SMURF1: variants seen among roughly 807,000 people sequenced by gnomAD.
SMURF1 encodes the protein SMAD specific E3 ubiquitin protein ligase 1, also known as E3 ubiquitin-protein ligase SMURF1.
Under a neutral mutation model 98.0 loss-of-function variants are expected in SMURF1, and 44 were observed. That is an observed-to-expected ratio of 0.45 (90% CI 0.35 to 0.58). SMURF1 has a LOEUF of 0.58. Among genes scored for constraint, SMURF1 ranks in the 20% least tolerant of loss-of-function variants. The pLI is 0.00. For missense variants in SMURF1, 687 were observed against 938.4 expected (o/e 0.73, Z 3.50); for synonymous variants, 396 against 374.9 (o/e 1.06, Z -0.65).
At chr7:99,069,761 T>A (rs1016807801) in intron 1 of SMURF1, among the ~76,000 whole-genome samples, 2 of 152,240 alleles carry the variant, frequency 1.3e-5, no homozygotes, top group African/African-American at 4.8e-5. Context: ...CCAAAAATGT[T>A]AAGCCCATAC....
intron 1 of SMURF1, among the ~76,000 whole-genome samples, chr7:99,100,777 A>G (rs1488608391): frequency 6.6e-6 from 1 of 152,258 alleles, no homozygotes; most frequent in Non-Finnish European, 1.5e-5. Flanking sequence ...AAAACAGAAG[A>G]CTAGAGAAGG....
At chr7:99,050,787 T>C in intron 8 of SMURF1, 1 of 691,490 alleles carries the variant, frequency 1.4e-6, no homozygotes, top group Non-Finnish European at 2.4e-6. Context: ...AAACAAATCA[T>C]GAATAAAAAG....
At chr7:99,064,636 T>C (rs1205766825) in intron 1 of SMURF1, among the ~76,000 whole-genome samples, 1 of 152,256 alleles carries the variant, frequency 6.6e-6, no homozygotes, top group East Asian at 1.9e-4. Flanking sequence ...GTTATCAAAT[T>C]GTTGGCATAC....
intron 5 of SMURF1, 109 bp downstream of exon 5, chr7:99,057,096 C>T: frequency 8.5e-7 from 1 of 1,170,316 alleles, no homozygotes. Flanking sequence ...GTGGTCTGTC[C>T]TCTGAGGCCC....
intron 13 of SMURF1, among the ~76,000 whole-genome samples, chr7:99,040,170 C>T (rs1385971698): frequency 1.3e-5 from 2 of 152,130 alleles, no homozygotes; most frequent in African/African-American, 2.4e-5. Context: ...CACTGTGTTG[C>T]CCAGGCTGGT....
At chr7:99,071,207 G>A (rs1166230015) in intron 1 of SMURF1, among the ~76,000 whole-genome samples, 2 of 152,036 alleles carry the variant, frequency 1.3e-5, no homozygotes, top group African/African-American at 4.8e-5. Flanking sequence ...TTACAGGCAT[G>A]TGCCACCATG....
Position 99,038,396 on chromosome 7 carries a change from T to A in SMURF1, c.1680A>T (p.Glu560Asp), listed in dbSNP as rs1167421403. 1 of 1,614,134 alleles carries A rather than the reference T, an allele frequency of 6.2e-7. No individual in the cohort carries two copies. Among genetic ancestry groups the A allele is most frequent in the East Asian group, 2.2e-5 (1 of 44,880 alleles). The change falls in exon 14 of 18, where the codon GAA (glutamate) becomes GAT (aspartate). Residue 560 changes from glutamate to aspartate, a missense_variant. Physicochemically the swap from Glu to Asp is conservative, Grantham distance 45. Around this residue, in one of 2 missense-constraint regions of SMURF1, gnomAD observed 272 missense variants for 430.0 expected, o/e 0.63. Coordinates refer to ENST00000361368, the MANE Select transcript of SMURF1 (RefSeq NM_181349.3). ...CCGACAGGTGGCATTACCGGACGTA[T>A]TCTTTCTTATTCTCCTCTGTGACTG... ...NVPVTEENKK[E>D]YVRLYVNWRF...
rs373455333 is a variant in SMURF1 at position 99,132,194 on chromosome 7, G to T, written c.55+11532C>A. 2.6e-5 allele frequency among the ~76,000 whole-genome samples: 4 copies of T among 152,162 alleles called. No homozygotes were observed. In the East Asian group the frequency reaches 5.8e-4, roughly 22 times the overall value. On this transcript the variant is annotated intron_variant, in intron 1 of 17. Coordinates refer to ENST00000361368, the MANE Select transcript of SMURF1 (RefSeq NM_181349.3). Reference sequence around the variant, plus strand: ...GCCTGGCTGACAACAACCTGTAATTGCTTGATCTCTAATCCCTGCTCATAT... The same window carrying T: ...GCCTGGCTGACAACAACCTGTAATTTCTTGATCTCTAATCCCTGCTCATAT...
intron 10 of SMURF1, among the ~76,000 whole-genome samples, chr7:99,046,395 T>C (rs1234029891): frequency 6.6e-6 from 1 of 152,148 alleles, no homozygotes; most frequent in Non-Finnish European, 1.5e-5. Context: ...AACGAGGCAC[T>C]TAAGAAATTT....
In SMURF1 at chr7:99,029,500, C is replaced by T. The variant is rs1457760087; in HGVS notation, c.*1084G>A. ...CCACATGAGGCAGTGAGTGTGAAGT[C>T]GTCCCCCTCTGCTGTCACAGGTTTG... On this transcript the variant is annotated 3_prime_UTR_variant, in exon 18 of 18. Coordinates refer to ENST00000361368, the MANE Select transcript of SMURF1 (RefSeq NM_181349.3). The T allele has an allele frequency of 6.6e-6, 1 of 152,172 alleles. No individual in the cohort carries two copies. The highest frequency in any genetic ancestry group is 1.5e-5 in the Non-Finnish European group (1 of 68,044). 9.4% of individuals were successfully genotyped at this position (152,172 alleles called of 1,614,324 possible). A position where few individuals can be genotyped will look rare whatever the true frequency, so the allele number is the denominator to read the frequency against.
Position 99,138,017 on chromosome 7 carries a change from C to T in SMURF1, c.55+5709G>A, listed in dbSNP as rs182216958. Reference sequence around the variant, plus strand: ...GACTTTAGTCAGTCAGAATGAGTTCCCTGGACAAGAAGCTAATTTAAGTTG... The same window carrying T: ...GACTTTAGTCAGTCAGAATGAGTTCTCTGGACAAGAAGCTAATTTAAGTTG... On this transcript the variant is annotated intron_variant, in intron 1 of 17. Transcript: ENST00000361368. Among the ~76,000 whole-genome samples the T allele has an allele frequency of 1.1e-4, 16 of 152,148 alleles. No individual in the cohort carries two copies. The East Asian group carries it at 2.5e-3, about 24-fold the overall frequency.
intron 17 of SMURF1, chr7:99,030,921 A>G: frequency 2.5e-6 from 1 of 402,630 alleles, no homozygotes; most frequent in East Asian, 4.7e-5. Context: ...GCTGCTCTCA[A>G]ACTCCTGGCC....
In SMURF1 at chr7:99,030,285, T is replaced by C; in HGVS notation, c.*299A>G. On this transcript the variant is annotated 3_prime_UTR_variant, in exon 18 of 18. Transcript: ENST00000361368. ...CAGGGCTGTGAGCCTTATCACCACA[T>C]GGGTTGCAACACAGCAGAATATCCT... 1 of 339,200 alleles carries C rather than the reference T, an allele frequency of 2.9e-6. No homozygotes were observed. Among genetic ancestry groups the C allele is most frequent in the Non-Finnish European group, 5.2e-6 (1 of 191,380 alleles). The allele number at this position is 339,200 out of a possible 1,614,324, so 21.0% of individuals were successfully genotyped here.
rs919771910 is a variant in SMURF1 at position 99,048,590 on chromosome 7, A to G, written c.954-708T>C. On this transcript the variant is annotated intron_variant, in intron 9 of 17. Transcript: ENST00000361368. ...ATTTTAAAGGAGGTAACAGTGGAGA[A>G]CTCAAATGAAATCTCATGATAGGCA... is the stretch of plus-strand genomic sequence containing the variant. 5 of 152,484 alleles carry G rather than the reference A, an allele frequency of 3.3e-5. No homozygotes were observed. In the East Asian group the frequency reaches 9.7e-4, roughly 29 times the overall value. The allele number at this position is 152,484 out of a possible 1,614,324, so 9.4% of individuals were successfully genotyped here. A position where few individuals can be genotyped will look rare whatever the true frequency, so the allele number is the denominator to read the frequency against.
At chr7:99,042,026 A>C in intron 12 of SMURF1, 92 bp downstream of exon 12, 2 of 1,053,096 alleles carry the variant, frequency 1.9e-6, no homozygotes, top group Non-Finnish European at 2.9e-6. Context: ...TTAAGTCTAC[A>C]ACAAATAGAC....
At chr7:99,078,129 GTC>G (rs993044548) in intron 1 of SMURF1, among the ~76,000 whole-genome samples, 2 of 152,002 alleles carry the variant, frequency 1.3e-5, no homozygotes, top group African/African-American at 4.8e-5. Context: ...GTGAAACCCC[GTC>G]TCTACTAGAA....
chr7:99,063,969 G>T (rs1250565932), intron 1 of SMURF1, among the ~76,000 whole-genome samples: 2 of 152,186 alleles, frequency 1.3e-5, no homozygotes, highest in East Asian at 3.9e-4. Flanking sequence ...CGGATTACTT[G>T]ACATCACGAA....
chr7:99,046,174 A>T (rs1795566076), intron 10 of SMURF1, among the ~76,000 whole-genome samples: 1 of 152,186 alleles, frequency 6.6e-6, no homozygotes, highest in Non-Finnish European at 1.5e-5. Flanking sequence ...AGACATTAGA[A>T]AGTCTGAATG....
rs1057344042 is a variant in SMURF1 at position 99,136,139 on chromosome 7, T to C, written c.55+7587A>G. ...AGGAGTTCCAGGCTGCAGTGAGCTA[T>C]GATCACGCCAGTGTACTCTAGCCTA... On this transcript the variant is annotated intron_variant, in intron 1 of 17. Transcript: ENST00000361368. 4.6e-5 allele frequency among the ~76,000 whole-genome samples: 7 copies of C among 152,188 alleles called. No individual in the cohort carries two copies. In the South Asian group the frequency reaches 6.2e-4, roughly 14 times the overall value.
Sources: gnomAD v4.1 joint callset for allele counts (sites outside exome capture counted in the v4.1 genomes callset) on GRCh38, gnomAD v4.1.1 for gene constraint, gnomAD v4.1.1 regional missense constraint, MANE v1.5 for transcripts, NCBI Gene and HGNC (gene_info 2026-07-23, HGNC 2026-07-21) for gene names.